Variants in GRIK4 observed in about 807,000 individuals in gnomAD.
GRIK4 encodes glutamate ionotropic receptor kainate type subunit 4, also known as glutamate receptor ionotropic, kainate 4.
In GRIK4, 40 loss-of-function variants were observed where a neutral mutation model predicts 104.9. The observed-to-expected ratio is 0.38, with a 90% CI of 0.30 to 0.50. The LOEUF (loss-of-function observed/expected upper bound fraction) is 0.50, where lower values mean the gene tolerates loss of function less well. Ranked by LOEUF, GRIK4 falls within the 20% of genes least tolerant of loss-of-function variation. GRIK4 has a pLI of 0.93. For synonymous variants in GRIK4, 485 were observed against 524.9 expected, an observed-to-expected ratio of 0.92 and a Z score of 1.04; for missense variants, 1,047 against 1,308.1, an observed-to-expected ratio of 0.80 and a Z score of 3.08.
chr11:120,534,197 G>A (rs1193089216), intron 1 of GRIK4, among the ~76,000 whole-genome samples: 1 of 152,176 alleles, frequency 6.6e-6, no homozygotes. Flanking sequence ...GAAGGCAGGT[G>A]TTTACGTGAG....
chr11:120,938,686 A>C (rs1348784779), intron 13 of GRIK4, among the ~76,000 whole-genome samples: 2 of 152,216 alleles, frequency 1.3e-5, no homozygotes. Context: ...GTTGGACCAC[A>C]CTTCACTTTT....
chr11:120,651,403 G>A (rs918694331), intron 1 of GRIK4, among the ~76,000 whole-genome samples: 1 of 152,212 alleles, frequency 6.6e-6, no homozygotes, highest in Non-Finnish European at 1.5e-5. Context: ...ATGTCTCTGG[G>A]GAGGGGCCAT....
intron 3 of GRIK4, among the ~76,000 whole-genome samples, chr11:120,738,978 C>T (rs1480769842): frequency 6.6e-6 from 1 of 152,180 alleles, no homozygotes; most frequent in African/African-American, 2.4e-5. Context: ...TTTGTTCATT[C>T]CAAGATCAGA....
At chr11:120,532,780 A>G (rs1377280969) in intron 1 of GRIK4, among the ~76,000 whole-genome samples, 4 of 152,174 alleles carry the variant, frequency 2.6e-5, no homozygotes, top group Non-Finnish European at 5.9e-5. Context: ...ACTCGGGACA[A>G]AGACAGTCGG....
chr11:120,607,974 A>C (rs908576115), intron 1 of GRIK4, among the ~76,000 whole-genome samples: 44 of 152,230 alleles, frequency 2.9e-4, no homozygotes, highest in Middle Eastern at 3.4e-3. Context: ...TGCCGAGAGG[A>C]GTCAAATCAG....
intron 8 of GRIK4, among the ~76,000 whole-genome samples, chr11:120,861,114 TTTTTTTTTTTTG>T (rs1385704673): frequency 1.9e-5 from 2 of 103,980 alleles, no homozygotes; most frequent in African/African-American, 7.6e-5. Flanking sequence ...TTTTTTTTTT[TTTTTTTTTTTTG>T]AGACAGAGCT....
chr11:120,875,284 C>G, intron 11 of GRIK4, 41 bp downstream of exon 11: 2 of 1,233,474 alleles, frequency 1.6e-6, no homozygotes, highest in Non-Finnish European at 2.4e-6. Context: ...GTCCTCCTCT[C>G]TGTTCCATTT....
chr11:120,676,134 C>T lies in GRIK4; in HGVS notation c.82+15734C>T, dbSNP rs186114520. On this transcript the variant is annotated intron_variant, in intron 3 of 20. Coordinates refer to ENST00000527524, the MANE Select transcript of GRIK4 (RefSeq NM_014619.5). The stretch of plus-strand genomic sequence containing the variant: ...AGAGCCATTCCCAGCTTCTAGAGGC[C>T]GCTGCATCCCCTGGCTCCATTTTCC... 7.6e-4 allele frequency among the ~76,000 whole-genome samples: 115 copies of T among 152,260 alleles called. 1 individual carries two copies. The highest frequency in any genetic ancestry group is 1.2e-3 in the Non-Finnish European group (85 of 68,006).
Position 120,730,172 on chromosome 11 carries a change from C to T in GRIK4, c.82+69772C>T, listed in dbSNP as rs12293609. Among the ~76,000 whole-genome samples, 1,249 of 152,072 alleles carry T rather than the reference C, an allele frequency of 8.2e-3. 21 individuals carry two copies. The highest frequency in any genetic ancestry group is 0.029 in the African/African-American group (1,187 of 41,466). ...GAGTTCAGGACCGGTCTGGGCAATACGGCAAAACCCTGTCTCTATGAAATA... is the reference window on the plus strand; with the variant it reads ...GAGTTCAGGACCGGTCTGGGCAATATGGCAAAACCCTGTCTCTATGAAATA... On this transcript the variant is annotated intron_variant, in intron 3 of 20. Transcript: ENST00000527524.
At position 120,663,995 on chromosome 11, in the gene GRIK4, C is replaced by T. The variant is rs77988803; in HGVS notation, c.82+3595C>T. Reference sequence around the variant, plus strand: ...TATATTCTAAAGATTATGGCATTTTCCCACTAGACTCTGAACTCCATGGGA... The same window carrying T: ...TATATTCTAAAGATTATGGCATTTTTCCACTAGACTCTGAACTCCATGGGA... On this transcript the variant is annotated intron_variant, in intron 3 of 20. Transcript: ENST00000527524. Among the ~76,000 whole-genome samples, 1,397 of 152,314 alleles carry T rather than the reference C, an allele frequency of 9.2e-3. 23 individuals are homozygous for T. Among genetic ancestry groups the T allele is most frequent in the African/African-American group, 0.032 (1,325 of 41,566 alleles).
At chr11:120,852,054 G>GA (rs1275915606) in intron 8 of GRIK4, among the ~76,000 whole-genome samples, 2 of 152,242 alleles carry the variant, frequency 1.3e-5, no homozygotes, top group Non-Finnish European at 2.9e-5. Flanking sequence ...CAAGCCTGCA[G>GA]AAAAGCGGTA....
At chr11:120,782,577 G>A (rs1419816422) in intron 3 of GRIK4, among the ~76,000 whole-genome samples, 2 of 152,134 alleles carry the variant, frequency 1.3e-5, no homozygotes, top group East Asian at 1.9e-4. Context: ...GAGCCACCGC[G>A]CCTGGCCGCC....
In GRIK4 at chr11:120,986,342, G is replaced by A. The variant is rs11218092; in HGVS notation, c.*82G>A. 259,531 of 1,377,606 alleles carry A rather than the reference G, an allele frequency of 0.19. 27,156 individuals are homozygous for A. Among genetic ancestry groups the A allele is most frequent in the East Asian group, 0.3 (10,030 of 33,140 alleles). 85.3% of individuals were successfully genotyped at this position (1,377,606 alleles called of 1,614,324 possible). On this transcript the variant is annotated 3_prime_UTR_variant, in exon 21 of 21. Transcript: ENST00000527524. ...CGGGCGCTGCTGTCAGCCGCCAGCC[G>A]GAACTTGTACAGCGTCGACACCTCT...
At chr11:120,701,221 T>C (rs148747774) in intron 3 of GRIK4, among the ~76,000 whole-genome samples, 2,437 of 152,324 alleles carry the variant, frequency 0.016, 38 homozygotes, top group Non-Finnish European at 0.025. Context: ...ATCTCTAAAC[T>C]TGTTCTTCCT....
chr11:120,902,034 G>A lies in GRIK4; in HGVS notation c.1273-3256G>A, dbSNP rs947709570. ...TTCGATAGCTCTTACCAGGAATGAC[G>A]ATCTTAATTCAGTTCCCAGGTGACC... On this transcript the variant is annotated intron_variant, in intron 12 of 20. Transcript: ENST00000527524. The surrounding 1 kb of genome is among the most constrained non-coding windows in gnomAD (Gnocchi z 4.5). Among the ~76,000 whole-genome samples, 5 of 152,132 alleles carry A rather than the reference G, an allele frequency of 3.3e-5. No individual in the cohort carries two copies. In the South Asian group the frequency reaches 6.2e-4, roughly 19 times the overall value.
chr11:120,619,665 G>A (rs1949160870), intron 1 of GRIK4, among the ~76,000 whole-genome samples: 1 of 152,122 alleles, frequency 6.6e-6, no homozygotes, highest in African/African-American at 2.4e-5. Flanking sequence ...GTTCCCATGA[G>A]ATCTGGTTGT....
At chr11:120,812,226 G>A (rs1291680502) in intron 4 of GRIK4, among the ~76,000 whole-genome samples, 3 of 152,226 alleles carry the variant, frequency 2.0e-5, no homozygotes, top group African/African-American at 4.8e-5. Flanking sequence ...GGGAAGGCAA[G>A]AAAGAGGCCA....
intron 1 of GRIK4, among the ~76,000 whole-genome samples, chr11:120,645,124 G>T (rs1452962487): frequency 2.1e-5 from 2 of 93,878 alleles, no homozygotes; most frequent in East Asian, 5.8e-4. Flanking sequence ...TGCATATATG[G>T]TGTGTAGTGT....
At position 120,956,257 on chromosome 11, in the gene GRIK4, A is replaced by G. The variant is rs1944146083; in HGVS notation, c.1701-523A>G. On this transcript the variant is annotated intron_variant, in intron 15 of 20. Coordinates refer to ENST00000527524, the MANE Select transcript of GRIK4 (RefSeq NM_014619.5). This position sits in a 1 kb window ranked among gnomAD's most constrained non-coding sequence, Gnocchi z 4.6. The stretch of plus-strand genomic sequence containing the variant: ...ACTCTGTTTGTCCAGGCTGGAGTAC[A>G]GTGGTGGGATCTTGGCTCACTGCAG... 6.6e-6 allele frequency among the ~76,000 whole-genome samples: 1 copy of G among 150,748 alleles called. No homozygotes were observed. Among genetic ancestry groups the G allele is most frequent in the Non-Finnish European group, 1.5e-5 (1 of 67,836 alleles).
Sources: gnomAD v4.1 joint callset for allele counts (sites outside exome capture counted in the v4.1 genomes callset) on GRCh38, gnomAD v4.1.1 for gene constraint, Gnocchi (gnomAD v3.1) non-coding constraint, MANE v1.5 for transcripts, NCBI Gene and HGNC (gene_info 2026-07-23, HGNC 2026-07-21) for gene names.